The following MYT1 variants were observed in gnomAD, a reference collection of about 807,000 sequenced individuals.
The protein encoded by MYT1 is myelin transcription factor 1.
In MYT1, 23 loss-of-function variants were observed where a neutral mutation model predicts 123.0. The ratio of observed to expected loss-of-function variants is 0.19; its 90% CI spans 0.13 to 0.26. The LOEUF is 0.26. Among genes scored for constraint, MYT1 ranks in the 10% least tolerant of loss-of-function variants. The probability of loss-of-function intolerance (pLI) is 1.00; values close to 1 mark genes in which losing one functional copy is unlikely to be tolerated. For synonymous variants in MYT1, 518 were observed against 575.3 expected (o/e 0.90, Z 1.43); for missense variants, 1,125 against 1,472.5 (o/e 0.76, Z 3.86).
intron 1 of MYT1, 66 bp downstream of exon 1, chr20:64,164,805 A>G (rs1260567940): frequency 6.6e-6 from 1 of 152,186 alleles, no homozygotes; most frequent in Non-Finnish European, 1.5e-5. Flanking sequence ...CCTCTTGGAC[A>G]GAGACAGGGA....
chr20:64,210,724 C>G (rs967330215), intron 7 of MYT1, among the ~76,000 whole-genome samples: 1 of 152,220 alleles, frequency 6.6e-6, no homozygotes, highest in Non-Finnish European at 1.5e-5. Flanking sequence ...TAGAAGAGGT[C>G]GATAACTGAG....
At chr20:64,199,384 G>A (rs970819609) in intron 3 of MYT1, among the ~76,000 whole-genome samples, 1 of 152,180 alleles carries the variant, frequency 6.6e-6, no homozygotes, top group Non-Finnish European at 1.5e-5. Flanking sequence ...TGATACGGGC[G>A]GGGGCTTCCT....
At position 64,242,213 on chromosome 20, in the gene MYT1, TGCAGG is replaced by T. The variant is rs1268439843; in HGVS notation, c.*1767_*1771del. The T allele has an allele frequency of 6.6e-6, 1 of 152,594 alleles. No homozygotes were observed. Among genetic ancestry groups the T allele is most frequent in the African/African-American group, 2.4e-5 (1 of 41,424 alleles). The allele number at this position is 152,594 out of a possible 1,614,324, so 9.5% of individuals were successfully genotyped here. A position where few individuals can be genotyped will look rare whatever the true frequency, so the allele number is the denominator to read the frequency against. Reference sequence around the variant, plus strand: ...AACCCACAGCACTCCGTGGTGTGTTTGCAGGGTGATTTCCTAATAAAAGTCCACTC... The same window carrying T: ...AACCCACAGCACTCCGTGGTGTGTTTGTGATTTCCTAATAAAAGTCCACTC... On this transcript the variant is annotated 3_prime_UTR_variant, in exon 23 of 23. Coordinates refer to ENST00000328439, the MANE Select transcript of MYT1 (RefSeq NM_004535.3).
rs929629557 is a variant in MYT1 at position 64,221,770 on chromosome 20, G to A, written c.2242-123G>A. 2.7e-5 allele frequency: 26 copies of A among 972,418 alleles called. No individual in the cohort carries two copies. In the African/African-American group the frequency reaches 4.3e-4, roughly 16 times the overall value. The allele number at this position is 972,418 out of a possible 1,614,324, so 60.2% of individuals were successfully genotyped here. A position where few individuals can be genotyped will look rare whatever the true frequency, so the allele number is the denominator to read the frequency against. On this transcript the variant is annotated intron_variant, in intron 13 of 22. Coordinates refer to ENST00000328439, the MANE Select transcript of MYT1 (RefSeq NM_004535.3). ...GTCTTCCTCCCTTATCCAGAAGATA[G>A]GAGACTCCGGGAGATGCTTCTGTGG...
intron 7 of MYT1, 114 bp from the exon 8 acceptor site, chr20:64,211,092 T>A: frequency 8.2e-7 from 1 of 1,219,870 alleles, no homozygotes; most frequent in Non-Finnish European, 1.1e-6. Context: ...TCATGGGCAG[T>A]CTCGCCTCCC....
At position 64,228,098 on chromosome 20, in the gene MYT1, G is replaced by A. The variant is rs374049059; in HGVS notation, c.2675+127G>A. 9.2e-4 allele frequency: 772 copies of A among 839,996 alleles called. 9 individuals carry two copies. Among genetic ancestry groups the A allele is most frequent in the South Asian group, 5.4e-3 (325 of 59,684 alleles). 52.0% of individuals were successfully genotyped at this position (839,996 alleles called of 1,614,324 possible). A position where few individuals can be genotyped will look rare whatever the true frequency, so the allele number is the denominator to read the frequency against. ...ACAACGGGTCACCTAACTGACCAAC[G>A]CCAACTTTCGTTTCTTTCATTTTTA... is the stretch of plus-strand genomic sequence containing the variant. On this transcript the variant is annotated intron_variant, in intron 18 of 22. Coordinates refer to ENST00000328439, the MANE Select transcript of MYT1 (RefSeq NM_004535.3).
chr20:64,170,884 T>A (rs28556630), intron 1 of MYT1, among the ~76,000 whole-genome samples: 6 of 20,002 alleles, frequency 3.0e-4, no homozygotes, highest in African/African-American at 1.4e-3. Flanking sequence ...TATATATATA[T>A]AGAGAGAGAG....
At chr20:64,169,767 C>T (rs535024981) in intron 1 of MYT1, among the ~76,000 whole-genome samples, 10 of 152,334 alleles carry the variant, frequency 6.6e-5, no homozygotes, top group Admixed American at 2.0e-4. Flanking sequence ...AACAAAAAAT[C>T]TGACTTAGGT....
intron 2 of MYT1, among the ~76,000 whole-genome samples, chr20:64,197,579 A>G (rs1983159880): frequency 6.6e-6 from 1 of 152,178 alleles, no homozygotes; most frequent in South Asian, 2.1e-4. Context: ...GGTGGAGTCC[A>G]GTGCTCTCCT....
chr20:64,198,767 C>T, intron 2 of MYT1, 95 bp from the exon 3 acceptor site: 1 of 1,389,452 alleles, frequency 7.2e-7, no homozygotes, highest in Non-Finnish European at 1.0e-6. Flanking sequence ...GCTGTCAAAG[C>T]TTGAGCCAGA....
intron 1 of MYT1, among the ~76,000 whole-genome samples, chr20:64,179,849 CACACACATACT>C: frequency 6.6e-6 from 1 of 152,098 alleles, no homozygotes; most frequent in South Asian, 2.1e-4. Context: ...CACACAGTTA[CACACACATACT>C]ACACACAGGC....
chr20:64,228,708 TG>T (rs1381831154), intron 18 of MYT1, among the ~76,000 whole-genome samples: 1 of 151,976 alleles, frequency 6.6e-6, no homozygotes, highest in African/African-American at 2.4e-5. Context: ...CACTTTTAGG[TG>T]GGGGGAATGC....
rs114848585 is a variant in MYT1, at chr20:64,240,896, G to A, written c.*448G>A. ...GCCTGGGGCAGCGTGTCTGTGCTCA[G>A]TGAGGGCCGATGAAGAAAGTGCGTT... On this transcript the variant is annotated 3_prime_UTR_variant, in exon 23 of 23. Transcript: ENST00000328439. The A allele has an allele frequency of 0.04, 6,595 of 165,122 alleles. 151 individuals are homozygous for A. Among genetic ancestry groups the A allele is most frequent in the African/African-American group, 0.045 (1,883 of 41,882 alleles). The allele number at this position is 165,122 out of a possible 1,614,324, so 10.2% of individuals were successfully genotyped here.
At chr20:64,210,970 C>G (rs1226486490) in intron 7 of MYT1, among the ~76,000 whole-genome samples, 3 of 152,260 alleles carry the variant, frequency 2.0e-5, no homozygotes, top group Non-Finnish European at 4.4e-5. Context: ...AAACGCTGCA[C>G]AAACTGCTAT....
rs1240286576 is a variant in MYT1, at chr20:64,207,898, C to T, written c.702C>T (p.Asp234=). The change falls in exon 7 of 23, where the codon GAC becomes GAT. Residue 234 remains aspartate, a synonymous_variant. Coordinates refer to ENST00000328439, the MANE Select transcript of MYT1 (RefSeq NM_004535.3). ...AAGTCACCACCGAGCGCTCCCAGGA[C>T]CTGTGTCCCCAGTCCCTGGAGGATG... ...VVEVTTERSQ[D]LCPQSLEDAA... 2 of 1,612,702 alleles carry T rather than the reference C, an allele frequency of 1.2e-6. No homozygotes were observed. Among genetic ancestry groups the T allele is most frequent in the African/African-American group, 1.3e-5 (1 of 74,578 alleles).
chr20:64,176,227 C>T lies in MYT1; in HGVS notation c.-99+11488C>T, dbSNP rs200412365. On this transcript the variant is annotated intron_variant, in intron 1 of 22. Transcript: ENST00000328439. ...TGTCCATTCCCCCTCCCTGGCGTCT[C>T]CTCCTGCAGCATCTTTCCCTGTAGT... is the stretch of plus-strand genomic sequence containing the variant. Among the ~76,000 whole-genome samples, 9 of 4,760 alleles carry T rather than the reference C, an allele frequency of 1.9e-3. 1 individual carries two copies. The highest frequency in any genetic ancestry group is 3.3e-3 in the Non-Finnish European group (9 of 2,748). 3.1% of individuals were successfully genotyped at this position (4,760 alleles called of 152,430 possible).
rs759694490 is a variant in MYT1 at position 64,212,124 on chromosome 20, C to T, written c.1503C>T (p.Arg501=). The change falls in exon 9 of 23, where the codon CGC becomes CGT. Residue 501 remains arginine, a synonymous_variant. Coordinates refer to ENST00000328439, the MANE Select transcript of MYT1 (RefSeq NM_004535.3). The surrounding 1 kb of genome is among the most constrained non-coding windows in gnomAD (Gnocchi z 6.8). Reference sequence around the variant, plus strand: ...GCCAGGGTCACGTGAACAGCAACCGCAACACGCACAGAAGGTACTTGGACT... The same window carrying T: ...GCCAGGGTCACGTGAACAGCAACCGTAACACGCACAGAAGGTACTTGGACT... The part of the protein sequence containing the change: ...CTGQGHVNSN[R]NTHRSLSGCP... The T allele has an allele frequency of 6.2e-7, 1 of 1,612,226 alleles. No individual in the cohort carries two copies. Among genetic ancestry groups the T allele is most frequent in the South Asian group, 1.1e-5 (1 of 90,928 alleles).
Position 64,239,671 on chromosome 20 carries a change from C to T in MYT1, c.3094-89C>T, listed in dbSNP as rs1463673181. On this transcript the variant is annotated intron_variant, in intron 21 of 22. Transcript: ENST00000328439. ...CCCCACCCCAGGGTTCTGCATTCTCCCAGAGGGTTGTGAGAGGCAGCCCAG... is the reference window on the plus strand; with the variant it reads ...CCCCACCCCAGGGTTCTGCATTCTCTCAGAGGGTTGTGAGAGGCAGCCCAG... 33 of 1,571,308 alleles carry T rather than the reference C, an allele frequency of 2.1e-5. No homozygotes were observed. In the East Asian group the frequency reaches 7.2e-4, roughly 34 times the overall value.
At position 64,200,253 on chromosome 20, in the gene MYT1, C is replaced by T. The variant is rs2295452; in HGVS notation, c.86+331C>T. 1.6e-3 allele frequency among the ~76,000 whole-genome samples: 248 copies of T among 152,346 alleles called. 5 individuals are homozygous for T. The East Asian group carries it at 0.036, about 22-fold the overall frequency. ...AAGCCGCTCTCTTACCGGACCCTCA[C>T]AAGTGCTTCTGTGTCAGATGGTTGG... On this transcript the variant is annotated intron_variant, in intron 4 of 22. Transcript: ENST00000328439.
Sources: allele counts gnomAD v4.1 joint callset (sites outside exome capture counted in the v4.1 genomes callset), GRCh38; gene constraint gnomAD v4.1.1; non-coding constraint Gnocchi (gnomAD v3.1); transcripts MANE v1.5; gene names NCBI Gene and HGNC (gene_info 2026-07-23, HGNC 2026-07-21).